ZNF385D: variants seen among roughly 807,000 people sequenced by gnomAD.
The protein encoded by ZNF385D is zinc finger protein 385D.
ZNF385D carries 15 observed loss-of-function variants against 35.8 expected under a neutral mutation model. That is an observed-to-expected ratio of 0.42 (90% CI 0.28 to 0.64). The LOEUF (loss-of-function observed/expected upper bound fraction) is 0.64. Ranked by LOEUF, ZNF385D falls within the 30% of genes least tolerant of loss-of-function variation. The probability of loss-of-function intolerance (pLI) is 0.23; values close to 1 mark genes in which losing one functional copy is unlikely to be tolerated. For missense variants in ZNF385D, 474 were observed against 494.6 expected (o/e 0.96, Z 0.39); for synonymous variants, 212 against 186.8 (o/e 1.13, Z -1.10).
At chr3:22,075,908 C>T (rs1700440658) in intron 3 of ZNF385D, among the ~76,000 whole-genome samples, 1 of 151,872 alleles carries the variant, frequency 6.6e-6, no homozygotes, top group Admixed American at 6.6e-5. Flanking sequence ...CCATCCAGTT[C>T]CTTGAGTTGG....
chr3:21,652,598 A>G (rs889588658), intron 2 of ZNF385D, among the ~76,000 whole-genome samples: 2 of 151,692 alleles, frequency 1.3e-5, no homozygotes, highest in Admixed American at 6.6e-5. Context: ...AGCATTAGGT[A>G]TATCTCCCAA....
chr3:21,616,921 C>G (rs2064863840), intron 2 of ZNF385D, among the ~76,000 whole-genome samples: 1 of 152,010 alleles, frequency 6.6e-6, no homozygotes, highest in Non-Finnish European at 1.5e-5. Context: ...CTGCAAATAC[C>G]CAAATTATTA....
At chr3:21,804,604 A>G (rs941388767) in intron 3 of ZNF385D, among the ~76,000 whole-genome samples, 1 of 152,208 alleles carries the variant, frequency 6.6e-6, no homozygotes, top group African/African-American at 2.4e-5. Flanking sequence ...GCAAGAAAAC[A>G]AGGGTTTGAA....
chr3:21,950,228 G>A (rs1368290626), intron 3 of ZNF385D, among the ~76,000 whole-genome samples: 1 of 151,746 alleles, frequency 6.6e-6, no homozygotes, highest in Non-Finnish European at 1.5e-5. Flanking sequence ...GTTGTTTCCT[G>A]ACTTTTTAAT....
intron 3 of ZNF385D, among the ~76,000 whole-genome samples, chr3:21,867,990 A>T (rs1184333578): frequency 6.6e-6 from 1 of 152,188 alleles, no homozygotes; most frequent in Non-Finnish European, 1.5e-5. Flanking sequence ...TAAACAAGAA[A>T]CTGAACCTAG....
chr3:22,063,717 T>C (rs1699801064), intron 3 of ZNF385D, among the ~76,000 whole-genome samples: 4 of 152,282 alleles, frequency 2.6e-5, no homozygotes, highest in Middle Eastern at 3.4e-3. Context: ...GAATTATACT[T>C]AGCTGAAAAT....
chr3:21,839,699 G>C (rs980557937), intron 3 of ZNF385D, among the ~76,000 whole-genome samples: 16 of 152,032 alleles, frequency 1.1e-4, no homozygotes, highest in African/African-American at 3.9e-4. Flanking sequence ...TTAAGACTCA[G>C]CTGACAGAAC....
chr3:22,059,718 T>C (rs1171400107), intron 3 of ZNF385D, among the ~76,000 whole-genome samples: 1 of 152,208 alleles, frequency 6.6e-6, no homozygotes, highest in African/African-American at 2.4e-5. Context: ...TTTTCGATTT[T>C]GTTTGCTGCT....
Position 22,203,321 on chromosome 3 carries a change from C to T in ZNF385D, c.107-34286G>A, listed in dbSNP as rs145863232. ...GGAATATGCTGCCTGAAGGGGAGAACCCAGTCCTAGCAGGATTTATCGCCT... is the reference window on the plus strand; with the variant it reads ...GGAATATGCTGCCTGAAGGGGAGAATCCAGTCCTAGCAGGATTTATCGCCT... On this transcript the variant is annotated intron_variant, in intron 2 of 5. Coordinates refer to the ZNF385D transcript ENST00000494108. Among the ~76,000 whole-genome samples, 422 of 152,182 alleles carry T rather than the reference C, an allele frequency of 2.8e-3. 1 individual carries two copies. Among genetic ancestry groups the T allele is most frequent in the African/African-American group, 9.9e-3 (413 of 41,548 alleles).
chr3:22,097,604 A>T (rs539651861), intron 3 of ZNF385D, among the ~76,000 whole-genome samples: 32 of 152,196 alleles, frequency 2.1e-4, no homozygotes, highest in African/African-American at 7.5e-4. Flanking sequence ...CTATGATAAA[A>T]TGAGAAATGA....
chr3:21,585,672 G>A (rs2063788252), intron 2 of ZNF385D, among the ~76,000 whole-genome samples: 1 of 152,150 alleles, frequency 6.6e-6, no homozygotes, highest in Admixed American at 6.5e-5. Context: ...AGTCTACTAA[G>A]CCAAATTTCA....
intron 2 of ZNF385D, among the ~76,000 whole-genome samples, chr3:21,625,250 A>G (rs2065104103): frequency 1.3e-5 from 2 of 152,056 alleles, no homozygotes; most frequent in Non-Finnish European, 2.9e-5. Flanking sequence ...CAAGGTTCAC[A>G]TTTTTCAGAT....
intron 5 of ZNF385D, among the ~76,000 whole-genome samples, chr3:21,435,299 C>G (rs1701494548): frequency 7.2e-6 from 1 of 138,672 alleles, no homozygotes; most frequent in African/African-American, 2.8e-5. Context: ...TCACTGTCAG[C>G]CAGGCTGGAG....
At chr3:21,684,398 CTCTCTCCTCT>C (rs1394915528) in intron 1 of ZNF385D, among the ~76,000 whole-genome samples, 5 of 82,800 alleles carry the variant, frequency 6.0e-5, no homozygotes, top group African/African-American at 2.5e-4. Context: ...CTCTCTCTCT[CTCTCTCCTCT>C]CTCTCTCTCT....
intron 3 of ZNF385D, among the ~76,000 whole-genome samples, chr3:21,914,864 A>G (rs1015582938): frequency 6.6e-6 from 1 of 151,940 alleles, no homozygotes; most frequent in African/African-American, 2.4e-5. Flanking sequence ...TGTTGTGGTA[A>G]ATTACTTTGA....
chr3:21,749,197 A>G (rs557469371), intron 1 of ZNF385D, among the ~76,000 whole-genome samples: 9 of 152,298 alleles, frequency 5.9e-5, no homozygotes, highest in African/African-American at 1.9e-4. Context: ...TGCATTACAC[A>G]ATGAAATTGA....
intron 2 of ZNF385D, among the ~76,000 whole-genome samples, chr3:22,319,373 T>G (rs1559517526): frequency 1.3e-5 from 2 of 151,266 alleles, no homozygotes; most frequent in Non-Finnish European, 2.9e-5. Flanking sequence ...ATATTAACTA[T>G]TTAATATATT....
chr3:22,159,130 C>T (rs1705781769), intron 3 of ZNF385D, among the ~76,000 whole-genome samples: 3 of 151,670 alleles, frequency 2.0e-5, no homozygotes, highest in Middle Eastern at 3.4e-3. Context: ...TTGAAGTTCA[C>T]ACATTAAAAA....
rs151242022 is a variant in ZNF385D, at chr3:21,478,036, T to C, written c.439+32825A>G. ...TGTCCTTGGCTTACTTCTTACTTCC[T>C]CATCCCTAATGAGAATTTTGTTCAG... On this transcript the variant is annotated intron_variant, in intron 4 of 7. Transcript: ENST00000281523. 8.0e-3 allele frequency among the ~76,000 whole-genome samples: 1,213 copies of C among 152,256 alleles called. 16 individuals carry two copies. The highest frequency in any genetic ancestry group is 0.01 in the Non-Finnish European group (693 of 68,010).
Sources: gnomAD v4.1 joint callset for allele counts (sites outside exome capture counted in the v4.1 genomes callset) on GRCh38, gnomAD v4.1.1 for gene constraint, MANE v1.5 for transcripts, NCBI Gene and HGNC (gene_info 2026-07-23, HGNC 2026-07-21) for gene names.